The following SDK1 variants were observed in gnomAD, a reference collection of about 807,000 sequenced individuals.
SDK1 encodes the protein protein sidekick-1.
A neutral mutation model predicts 245.5 loss-of-function variants in SDK1; 157 were observed. The observed-to-expected ratio is 0.64, with a 90% CI of 0.56 to 0.73. The LOEUF (loss-of-function observed/expected upper bound fraction) is 0.73, where lower values mean the gene tolerates loss of function less well. SDK1 is among the 30% of genes least tolerant of loss of function. The probability of loss-of-function intolerance (pLI) is 0.00; values close to 1 mark genes in which losing one functional copy is unlikely to be tolerated. For synonymous variants in SDK1, 1,647 were observed against 1,278.5 expected (o/e 1.29, Z -6.15); for missense variants, 3,583 against 3,002.3 (o/e 1.19, Z -4.52).
chr7:3,522,185 G>T (rs997460426), intron 1 of SDK1, among the ~76,000 whole-genome samples: 2 of 151,966 alleles, frequency 1.3e-5, no homozygotes, highest in African/African-American at 4.8e-5. Flanking sequence ...GTGTTAATCA[G>T]AATGATGCAT....
intron 1 of SDK1, among the ~76,000 whole-genome samples, chr7:3,364,618 C>G (rs763725669): frequency 3.9e-5 from 6 of 152,106 alleles, no homozygotes; most frequent in Non-Finnish European, 5.9e-5. Flanking sequence ...GCATTTTCTA[C>G]TCTATTTCAT....
intron 1 of SDK1, among the ~76,000 whole-genome samples, chr7:3,357,191 T>TTA (rs1000994831): frequency 1.3e-5 from 2 of 152,022 alleles, no homozygotes; most frequent in African/African-American, 4.8e-5. Flanking sequence ...AATCATGTGT[T>TTA]TGTAAAGTCA....
chr7:3,618,240 A>T (rs192465133), intron 1 of SDK1, among the ~76,000 whole-genome samples: 1 of 152,286 alleles, frequency 6.6e-6, no homozygotes, highest in Non-Finnish European at 1.5e-5. Context: ...GTACCTTTGT[A>T]ACCACATCAG....
intron 4 of SDK1, among the ~76,000 whole-genome samples, chr7:3,733,272 C>G (rs1012617713): frequency 3.9e-5 from 6 of 152,130 alleles, no homozygotes; most frequent in African/African-American, 1.4e-4. Context: ...GTCCTAAGAA[C>G]TTTTGCAGGA....
Position 3,930,021 on chromosome 7 carries a change from T to C in SDK1, c.848-20902T>C, listed in dbSNP as rs56246492. Among the ~76,000 whole-genome samples, 805 of 152,290 alleles carry C rather than the reference T, an allele frequency of 5.3e-3. 7 individuals carry two copies. The highest frequency in any genetic ancestry group is 0.018 in the African/African-American group (752 of 41,554). ...TTTACCTAATTGGTAAACAGGTGAA[T>C]GCAGTTCTACTTGGAGACTCAGCCC... On this transcript the variant is annotated intron_variant, in intron 5 of 44. Transcript: ENST00000404826.
At chr7:3,335,009 A>G (rs1780163350) in intron 1 of SDK1, among the ~76,000 whole-genome samples, 1 of 152,122 alleles carries the variant, frequency 6.6e-6, no homozygotes, top group Non-Finnish European at 1.5e-5. Flanking sequence ...ATCACCCTGA[A>G]TCCCATTAGT....
intron 44 of SDK1, among the ~76,000 whole-genome samples, chr7:4,260,742 C>G (rs1299060315): frequency 6.8e-6 from 1 of 147,164 alleles, no homozygotes; most frequent in African/African-American, 2.5e-5. Context: ...TCATCGTCAC[C>G]TGATGGAGAA....
chr7:3,755,476 T>A (rs1262327859), intron 4 of SDK1, among the ~76,000 whole-genome samples: 1 of 152,114 alleles, frequency 6.6e-6, no homozygotes, highest in East Asian at 1.9e-4. Flanking sequence ...CCTGGCAGTG[T>A]ATGAACTGGA....
At chr7:3,651,067 C>T (rs77978341) in intron 4 of SDK1, among the ~76,000 whole-genome samples, 1 of 150,954 alleles carries the variant, frequency 6.6e-6, no homozygotes, top group Non-Finnish European at 1.5e-5. Flanking sequence ...TCATTGTGTT[C>T]ATACACACAC....
chr7:3,574,714 G>T (rs1369345134), intron 1 of SDK1, among the ~76,000 whole-genome samples: 1 of 152,014 alleles, frequency 6.6e-6, no homozygotes, highest in Admixed American at 6.6e-5. Context: ...GTACTGCCTG[G>T]CTTCTTGAAA....
At chr7:3,772,748 C>CTTAA (rs1179973353) in intron 4 of SDK1, among the ~76,000 whole-genome samples, 1 of 152,116 alleles carries the variant, frequency 6.6e-6, no homozygotes, top group Non-Finnish European at 1.5e-5. Context: ...GCATTTTTTG[C>CTTAA]AGAGCAGTCT....
At chr7:3,972,315 G>T (rs542829659) in intron 12 of SDK1, among the ~76,000 whole-genome samples, 1 of 152,072 alleles carries the variant, frequency 6.6e-6, no homozygotes, top group Admixed American at 6.5e-5. Context: ...TCTTGACCTC[G>T]TGATCCACCT....
At chr7:3,337,865 C>A (rs1218875744) in intron 1 of SDK1, 2 of 152,064 alleles carry the variant, frequency 1.3e-5, no homozygotes, top group Non-Finnish European at 2.9e-5. Context: ...TGGTTGGTTA[C>A]CAAGCATACC....
chr7:3,384,027 A>G (rs180723226), intron 1 of SDK1, among the ~76,000 whole-genome samples: 1 of 152,296 alleles, frequency 6.6e-6, no homozygotes, highest in Admixed American at 6.5e-5. Flanking sequence ...GTTTTACTTG[A>G]AGCTTGTAAG....
chr7:3,972,148 C>T lies in SDK1; in HGVS notation c.1817+580C>T, dbSNP rs966920601. ...GAGCTGGAGTACAGTGGCATTATCT[C>T]AGCTCACTGCAAGCTCCACCTCCCG... On this transcript the variant is annotated intron_variant, in intron 12 of 44. Coordinates refer to ENST00000404826, the MANE Select transcript of SDK1 (RefSeq NM_152744.4). 2.0e-5 allele frequency among the ~76,000 whole-genome samples: 3 copies of T among 149,024 alleles called. No homozygotes were observed. In the East Asian group the frequency reaches 5.9e-4, roughly 29 times the overall value.
In SDK1 at chr7:4,200,194, G is replaced by C. The variant is rs112442972; in HGVS notation, c.5099-5685G>C. On this transcript the variant is annotated intron_variant, in intron 35 of 44. Transcript: ENST00000404826. The stretch of plus-strand genomic sequence containing the variant: ...GGTCTGGGTGTGTGTAAAGACATGT[G>C]GACCCTGACAATGGATTATCACCTG... Among the ~76,000 whole-genome samples the C allele has an allele frequency of 3.8e-3, 580 of 152,254 alleles. 4 individuals carry two copies. Among genetic ancestry groups the C allele is most frequent in the African/African-American group, 0.012 (509 of 41,536 alleles).
intron 4 of SDK1, among the ~76,000 whole-genome samples, chr7:3,773,873 T>C (rs1780473874): frequency 6.6e-6 from 1 of 152,220 alleles, no homozygotes; most frequent in Admixed American, 6.5e-5. Flanking sequence ...TAATCTTCAA[T>C]GTCTGCTTCC....
At chr7:4,054,891 G>A (rs1228937263) in intron 19 of SDK1, among the ~76,000 whole-genome samples, 1 of 152,116 alleles carries the variant, frequency 6.6e-6, no homozygotes, top group East Asian at 1.9e-4. Flanking sequence ...TTGTTGGTCT[G>A]TTAGATTACA....
At chr7:4,201,772 GCAA>G (rs899497144) in intron 35 of SDK1, among the ~76,000 whole-genome samples, 9 of 152,144 alleles carry the variant, frequency 5.9e-5, no homozygotes, top group African/African-American at 1.9e-4. Context: ...GGTGGCTTTG[GCAA>G]CAACAGATTA....
Sources: gnomAD v4.1 joint callset for allele counts (sites outside exome capture counted in the v4.1 genomes callset) on GRCh38, gnomAD v4.1.1 for gene constraint, MANE v1.5 for transcripts, NCBI Gene and HGNC (gene_info 2026-07-23, HGNC 2026-07-21) for gene names.